RARB: variants seen among roughly 807,000 people sequenced by gnomAD.
RARB encodes HBV-activated protein.
RARB carries 17 observed loss-of-function variants against 51.9 expected under a neutral mutation model. The observed-to-expected ratio is 0.33, with a 90% CI of 0.22 to 0.49. The LOEUF is 0.49. RARB is among the 20% of genes least tolerant of loss of function. The pLI is 0.99. For missense variants in RARB, 369 were observed against 550.8 expected (o/e 0.67, Z 3.30); for synonymous variants, 215 against 195.4 (o/e 1.10, Z -0.84).
intron 2 of RARB, among the ~76,000 whole-genome samples, chr3:24,950,234 GTC>G (rs1468255504): frequency 2.0e-5 from 3 of 152,138 alleles, no homozygotes; most frequent in Non-Finnish European, 4.4e-5. Context: ...TCCTACATAT[GTC>G]TCGAAACAGT....
At chr3:25,213,946 A>G (rs938504302) in intron 5 of RARB, among the ~76,000 whole-genome samples, 5 of 152,206 alleles carry the variant, frequency 3.3e-5, no homozygotes, top group African/African-American at 1.2e-4. Context: ...TTTGTTATAT[A>G]TTTCTAGACA....
intron 3 of RARB, among the ~76,000 whole-genome samples, chr3:25,523,644 G>A (rs1002098385): frequency 2.0e-5 from 3 of 152,126 alleles, no homozygotes; most frequent in African/African-American, 7.2e-5. Flanking sequence ...GAAAGTGAGG[G>A]ACAATGTTTA....
At chr3:25,169,991 A>T (rs1330324257) in intron 4 of RARB, among the ~76,000 whole-genome samples, 1 of 586 alleles carries the variant, frequency 1.7e-3, no homozygotes. Context: ...TTATTTCTTA[A>T]AAAAAAAAAA....
chr3:25,509,239 G>A (rs745549249), intron 3 of RARB, among the ~76,000 whole-genome samples: 6 of 152,198 alleles, frequency 3.9e-5, no homozygotes, highest in Non-Finnish European at 5.9e-5. Context: ...AACCCATTGC[G>A]TGGAGATTAT....
At chr3:25,343,655 T>C (rs1315530764) in intron 5 of RARB, among the ~76,000 whole-genome samples, 1 of 152,190 alleles carries the variant, frequency 6.6e-6, no homozygotes, top group Admixed American at 6.5e-5. Flanking sequence ...ATAGTTACAG[T>C]GTTTGATACA....
At chr3:24,883,123 A>G (rs1703200780) in intron 2 of RARB, among the ~76,000 whole-genome samples, 1 of 152,132 alleles carries the variant, frequency 6.6e-6, no homozygotes, top group Non-Finnish European at 1.5e-5. Flanking sequence ...CCAACTCCAG[A>G]CTTGAAACAA....
At position 24,915,713 on chromosome 3, in the gene RARB, T is replaced by C. The variant is rs5015065; in HGVS notation, c.-380+56961T>C. On this transcript the variant is annotated intron_variant, in intron 2 of 11. Transcript: ENST00000383772. Reference sequence around the variant, plus strand: ...TGACTTGGATCTGGTTCAACTGATATGTGACATGAGGTGACTTTTAGCCAT... The same window carrying C: ...TGACTTGGATCTGGTTCAACTGATACGTGACATGAGGTGACTTTTAGCCAT... Among the ~76,000 whole-genome samples the C allele has an allele frequency of 9.2e-5, 14 of 152,080 alleles. No individual in the cohort carries two copies. In the East Asian group the frequency reaches 2.5e-3, roughly 27 times the overall value.
chr3:25,584,593 T>G (rs932825493), intron 5 of RARB, among the ~76,000 whole-genome samples: 7 of 151,712 alleles, frequency 4.6e-5, no homozygotes, highest in Admixed American at 1.3e-4. Context: ...CCCCGGCAGG[T>G]TGGAGGAAGT....
rs562186000 is a variant in RARB at position 24,910,241 on chromosome 3, T to G, written c.-380+51489T>G. Among the ~76,000 whole-genome samples the G allele has an allele frequency of 8.7e-4, 133 of 152,126 alleles. No individual in the cohort carries two copies. In the South Asian group the frequency reaches 0.027, roughly 31 times the overall value. On this transcript the variant is annotated intron_variant, in intron 2 of 11. Coordinates refer to the RARB transcript ENST00000383772. ...CCTAGAAACTTAGGGAAATTGGGGGTGCTGGCAAAAAAACGTTGAATTGCA... is the reference window on the plus strand; with the variant it reads ...CCTAGAAACTTAGGGAAATTGGGGGGGCTGGCAAAAAAACGTTGAATTGCA...
At chr3:25,381,861 C>G (rs1455981124) in intron 5 of RARB, among the ~76,000 whole-genome samples, 1 of 152,158 alleles carries the variant, frequency 6.6e-6, no homozygotes, top group South Asian at 2.1e-4. Flanking sequence ...TCTGATGATG[C>G]TAATGCTTGA....
At chr3:24,924,069 C>A (rs1695269712) in intron 2 of RARB, among the ~76,000 whole-genome samples, 1 of 152,152 alleles carries the variant, frequency 6.6e-6, no homozygotes, top group African/African-American at 2.4e-5. Flanking sequence ...AAAGTCTATA[C>A]TCCAAAACCC....
intron 3 of RARB, among the ~76,000 whole-genome samples, chr3:25,119,611 C>T (rs2125328642): frequency 1.3e-5 from 2 of 151,482 alleles, no homozygotes; most frequent in South Asian, 4.2e-4. Context: ...ATGGGTGTAA[C>T]TCAGCGCAGC....
At chr3:24,853,192 C>T (rs1315212815) in intron 1 of RARB, among the ~76,000 whole-genome samples, 1 of 151,676 alleles carries the variant, frequency 6.6e-6, no homozygotes, top group African/African-American at 2.4e-5. Context: ...TGGCAGGCAC[C>T]TGTAGTCCCA....
chr3:25,287,845 T>A (rs1302169506), intron 5 of RARB, among the ~76,000 whole-genome samples: 1 of 152,084 alleles, frequency 6.6e-6, no homozygotes, highest in East Asian at 1.9e-4. Flanking sequence ...TCTCTTCTGC[T>A]TGTTGTCAGC....
chr3:24,925,525 T>G (rs1292970349), intron 2 of RARB, among the ~76,000 whole-genome samples: 2 of 151,696 alleles, frequency 1.3e-5, no homozygotes, highest in Non-Finnish European at 2.9e-5. Context: ...ATCTGTGGTC[T>G]CAGCCACTCT....
intron 2 of RARB, among the ~76,000 whole-genome samples, chr3:24,930,228 T>A (rs555439392): frequency 6.6e-6 from 1 of 152,098 alleles, no homozygotes; most frequent in Admixed American, 6.6e-5. Context: ...TTAGGCAGAA[T>A]GTAGAGAGCT....
intron 5 of RARB, among the ~76,000 whole-genome samples, chr3:25,351,913 T>C (rs2125457750): frequency 6.6e-6 from 1 of 152,326 alleles, no homozygotes; most frequent in South Asian, 2.1e-4. Context: ...TCTTCAAAGA[T>C]GCTATAGCTG....
At chr3:24,839,852 A>T (rs1465164330) in intron 1 of RARB, among the ~76,000 whole-genome samples, 1 of 152,192 alleles carries the variant, frequency 6.6e-6, no homozygotes, top group Non-Finnish European at 1.5e-5. Flanking sequence ...AAATAATTTT[A>T]AAAGAATGAA....
chr3:25,549,733 G>A (rs977789448), intron 3 of RARB, among the ~76,000 whole-genome samples: 2 of 152,126 alleles, frequency 1.3e-5, no homozygotes, highest in African/African-American at 2.4e-5. Flanking sequence ...TATGAGATGA[G>A]AAAAAGGAAA....
Sources: gnomAD v4.1 joint callset for allele counts (sites outside exome capture counted in the v4.1 genomes callset) on GRCh38, gnomAD v4.1.1 for gene constraint, MANE v1.5 for transcripts, NCBI Gene and HGNC (gene_info 2026-07-23, HGNC 2026-07-21) for gene names.